The following IQGAP2 variants were observed in gnomAD, a reference collection of about 807,000 sequenced individuals.
IQGAP2 encodes the protein IQ motif containing GTPase activating protein 2, also known as ras GTPase-activating-like protein IQGAP2.
In IQGAP2, 173 loss-of-function variants were observed where a neutral mutation model predicts 201.3. That is an observed-to-expected ratio of 0.86 (90% CI 0.76 to 0.98). IQGAP2 has a LOEUF of 0.98. Among genes scored for constraint, IQGAP2 ranks in the 50% least tolerant of loss-of-function variants. The pLI, the probability that IQGAP2 is intolerant of heterozygous loss-of-function variation, is 0.00. For missense variants in IQGAP2, 1,687 were observed against 1,864.8 expected (o/e 0.90, Z 1.76); for synonymous variants, 675 against 673.9 (o/e 1.00, Z -0.03).
chr5:76,456,152 T>C (rs1754070781), intron 1 of IQGAP2, among the ~76,000 whole-genome samples: 1 of 152,198 alleles, frequency 6.6e-6, no homozygotes, highest in Admixed American at 6.5e-5. Context: ...TTATTTCTTT[T>C]GCCCTTGGTA....
At chr5:76,618,449 C>A (rs764914705) in intron 13 of IQGAP2, 2 of 1,614,116 alleles carry the variant, frequency 1.2e-6, no homozygotes, top group Non-Finnish European at 1.7e-6. Context: ...TGGTCAGGTA[C>A]CCCATGGTAG....
chr5:76,677,347 C>T lies in IQGAP2; in HGVS notation c.3657C>T (p.His1219=). The T allele has an allele frequency of 6.2e-7, 1 of 1,613,474 alleles. No individual in the cohort carries two copies. Among genetic ancestry groups the T allele is most frequent in the Non-Finnish European group, 8.5e-7 (1 of 1,179,740 alleles). Residue 1219 remains histidine, a synonymous_variant, in exon 28 of 36, where the codon CAC becomes CAT. Transcript: ENST00000274364. The part of the protein sequence containing the change: ...YISIEEIIST[H]SLLLEHQDAI... ...CAATTGAAGAAATCATCAGCACACA[C>T]TCAGTAAGTGGGGATGGGGAGCCAT...
intron 2 of IQGAP2, among the ~76,000 whole-genome samples, chr5:76,483,001 T>C (rs193208914): frequency 8.5e-5 from 13 of 152,342 alleles, no homozygotes; most frequent in Admixed American, 1.3e-4. Context: ...AATTAAGCGC[T>C]ACATTGCTAT....
intron 2 of IQGAP2, among the ~76,000 whole-genome samples, chr5:76,553,313 A>G (rs1743690491): frequency 6.6e-6 from 1 of 152,224 alleles, no homozygotes; most frequent in African/African-American, 2.4e-5. Flanking sequence ...TTTTTAAAAT[A>G]TTAAGGGAAA....
At chr5:76,639,656 C>T (rs1561539314) in intron 16 of IQGAP2, among the ~76,000 whole-genome samples, 1 of 152,182 alleles carries the variant, frequency 6.6e-6, no homozygotes, top group Non-Finnish European at 1.5e-5. Context: ...TAAAAGTCAG[C>T]ATCAAAGATA....
chr5:76,672,916 G>C (rs1425963048), intron 24 of IQGAP2, among the ~76,000 whole-genome samples: 1 of 135,832 alleles, frequency 7.4e-6, no homozygotes, highest in African/African-American at 2.7e-5. Context: ...GGGATTGGGG[G>C]AGGGGGGAGG....
chr5:76,513,625 T>C (rs1244458958), intron 2 of IQGAP2, among the ~76,000 whole-genome samples: 1 of 152,126 alleles, frequency 6.6e-6, no homozygotes, highest in Non-Finnish European at 1.5e-5. Flanking sequence ...AGGCTACATA[T>C]GGTATGATTC....
At chr5:76,470,100 T>C (rs143114889) in intron 2 of IQGAP2, among the ~76,000 whole-genome samples, 175 of 152,128 alleles carry the variant, frequency 1.2e-3, no homozygotes, top group African/African-American at 4.2e-3. Flanking sequence ...TTCTGACAGG[T>C]TTTTGGACTG....
intron 2 of IQGAP2, among the ~76,000 whole-genome samples, chr5:76,519,394 T>C (rs1161287791): frequency 6.6e-6 from 1 of 152,248 alleles, no homozygotes; most frequent in Non-Finnish European, 1.5e-5. Context: ...TATGTTCCTT[T>C]TTATTGCTGG....
At chr5:76,654,471 G>T (rs1444247508) in intron 19 of IQGAP2, among the ~76,000 whole-genome samples, 200 bp downstream of exon 19, 1 of 152,214 alleles carries the variant, frequency 6.6e-6, no homozygotes, top group African/African-American at 2.4e-5. Flanking sequence ...GACTTCACCA[G>T]TCAGGACTCG....
chr5:76,480,345 A>T (rs938838428), intron 2 of IQGAP2, among the ~76,000 whole-genome samples: 2 of 152,132 alleles, frequency 1.3e-5, no homozygotes, highest in Non-Finnish European at 2.9e-5. Context: ...TCTCGCAGCC[A>T]TACTTTTGCT....
intron 1 of IQGAP2, among the ~76,000 whole-genome samples, chr5:76,429,054 G>A (rs80189433): frequency 0.022 from 3,130 of 140,208 alleles, 56 homozygotes; most frequent in African/African-American, 0.039. Flanking sequence ...ACTAGAGCCC[G>A]AGTGACAGCG....
intron 35 of IQGAP2, among the ~76,000 whole-genome samples, chr5:76,706,204 T>C (rs922773468): frequency 6.6e-6 from 1 of 152,212 alleles, no homozygotes; most frequent in Admixed American, 6.5e-5. Context: ...CTGTATTATA[T>C]ACCAAAAAAG....
At chr5:76,590,620 A>G (rs748520466) in intron 8 of IQGAP2, 34 bp downstream of exon 8, 4 of 1,521,424 alleles carry the variant, frequency 2.6e-6, no homozygotes, top group Non-Finnish European at 3.6e-6. Context: ...AACAGTAATG[A>G]ATGTGCTTAT....
At chr5:76,485,280 A>G (rs1318998659) in intron 2 of IQGAP2, among the ~76,000 whole-genome samples, 1 of 152,202 alleles carries the variant, frequency 6.6e-6, no homozygotes, top group Non-Finnish European at 1.5e-5. Context: ...TTTGTGGAAT[A>G]TTTGGAGCTC....
In IQGAP2 at chr5:76,673,603, G is replaced by A. The variant is rs750696442; in HGVS notation, c.3209+14G>A. 1.1e-5 allele frequency: 18 copies of A among 1,612,192 alleles called. No individual in the cohort carries two copies. The highest frequency in any genetic ancestry group is 2.2e-5 in the East Asian group (1 of 44,878). ...TGATCTACTGCCGTAAGTTGTACTT[G>A]CAGCAAGTTTAACATTCTTTCCTGG... is the stretch of plus-strand genomic sequence containing the variant. On this transcript the variant is annotated intron_variant, in intron 25 of 35. Coordinates refer to ENST00000274364, the MANE Select transcript of IQGAP2 (RefSeq NM_006633.5).
chr5:76,536,920 A>G (rs773125079), intron 2 of IQGAP2, among the ~76,000 whole-genome samples: 2 of 152,196 alleles, frequency 1.3e-5, no homozygotes, highest in Non-Finnish European at 2.9e-5. Context: ...GAAGACATAA[A>G]TATATAGAAT....
chr5:76,680,622 G>C (rs939599706), intron 28 of IQGAP2, among the ~76,000 whole-genome samples: 1 of 148,850 alleles, frequency 6.7e-6, no homozygotes, highest in Non-Finnish European at 1.5e-5. Flanking sequence ...GGAGTTCGTC[G>C]ACAAAATAGG....
At position 76,663,821 on chromosome 5, in the gene IQGAP2, C is replaced by T. The variant is rs1405510161; in HGVS notation, c.2530-1205C>T. Reference sequence around the variant, plus strand: ...GTGCTGAGATCACAGGCATGAGCCACCACACTTGGCCCGCTTCCAACTTTT... The same window carrying T: ...GTGCTGAGATCACAGGCATGAGCCATCACACTTGGCCCGCTTCCAACTTTT... On this transcript the variant is annotated intron_variant, in intron 21 of 35. Transcript: ENST00000274364. Among the ~76,000 whole-genome samples, 6 of 152,332 alleles carry T rather than the reference C, an allele frequency of 3.9e-5. No homozygotes were observed. In the East Asian group the frequency reaches 1.2e-3, roughly 29 times the overall value.
Sources: gnomAD v4.1 joint callset for allele counts (sites outside exome capture counted in the v4.1 genomes callset) on GRCh38, gnomAD v4.1.1 for gene constraint, MANE v1.5 for transcripts, NCBI Gene and HGNC (gene_info 2026-07-23, HGNC 2026-07-21) for gene names.